ABCA9: variants seen among roughly 807,000 people sequenced by gnomAD.
ABCA9 encodes ATP binding cassette subfamily A member 9.
ABCA9 carries 183 observed loss-of-function variants against 205.3 expected under a neutral mutation model. That is an observed-to-expected ratio of 0.89 (90% CI 0.79 to 1.01). The LOEUF (loss-of-function observed/expected upper bound fraction) is 1.01. Among genes scored for constraint, ABCA9 ranks in the 50% least tolerant of loss-of-function variants. The pLI, the probability that ABCA9 is intolerant of heterozygous loss-of-function variation, is 0.00. For synonymous variants in ABCA9, 651 were observed against 683.3 expected (o/e 0.95, Z 0.74); for missense variants, 1,805 against 1,912.4 (o/e 0.94, Z 1.05).
intron 30 of ABCA9, 171 bp from the exon 31 acceptor site, chr17:68,989,289 CACACA>C: frequency 5.7e-6 from 3 of 521,826 alleles, no homozygotes; most frequent in Non-Finnish European, 6.9e-6. Flanking sequence ...CACACACACA[CACACA>C]CCCCTGAGCA....
intron 6 of ABCA9, among the ~76,000 whole-genome samples, chr17:69,040,035 T>G (rs572771677): frequency 1.1e-4 from 16 of 152,250 alleles, no homozygotes; most frequent in Non-Finnish European, 1.8e-4. Flanking sequence ...AGAACGGTGA[T>G]CATTAAAAAG....
the ABCA9 span, among the ~76,000 whole-genome samples, chr17:69,067,362 A>G: frequency 6.6e-6 from 1 of 152,116 alleles, no homozygotes; most frequent in Non-Finnish European, 1.5e-5. Context: ...CCTGGGCAAC[A>G]TGGTGAAACC....
intron 26 of ABCA9, 149 bp downstream of exon 26, chr17:68,995,746 T>A (rs1299911768): frequency 9.8e-7 from 1 of 1,015,520 alleles, no homozygotes; most frequent in East Asian, 2.4e-5. Context: ...ATGCCCCTTA[T>A]CCATGCGTGG....
At chr17:69,011,638 G>T (rs1480224529) in intron 23 of ABCA9, among the ~76,000 whole-genome samples, 1 of 152,116 alleles carries the variant, frequency 6.6e-6, no homozygotes, top group East Asian at 1.9e-4. Flanking sequence ...AAACTGAGTA[G>T]CTTTAGCACC....
chr17:69,066,711 T>C, the ABCA9 span, among the ~76,000 whole-genome samples: 1 of 152,116 alleles, frequency 6.6e-6, no homozygotes, highest in African/African-American at 2.4e-5. Context: ...TCCTCAGGGT[T>C]AAGATTTTTC....
At position 68,990,992 on chromosome 17, in the gene ABCA9, G is replaced by A. The variant is rs370908013; in HGVS notation, c.3717-35C>T. 20 of 1,581,516 alleles carry A rather than the reference G, an allele frequency of 1.3e-5. No individual in the cohort carries two copies. The South Asian group carries it at 1.5e-4, about 12-fold the overall frequency. ...AAACAGTGTGATAATGATAAACTTCGGGTTAAAAATCTTGTATCAAAATTA... is the reference window on the plus strand; with the variant it reads ...AAACAGTGTGATAATGATAAACTTCAGGTTAAAAATCTTGTATCAAAATTA... On this transcript the variant is annotated intron_variant, in intron 28 of 38. Transcript: ENST00000340001.
At position 68,987,742 on chromosome 17, in the gene ABCA9, TTTTG is replaced by T. The variant is rs72186562; in HGVS notation, c.4047+1281_4047+1284del. On this transcript the variant is annotated intron_variant, in intron 31 of 38. Transcript: ENST00000340001. The stretch of plus-strand genomic sequence containing the variant: ...TTGACATGACCTCATTTGCGTTTTT[TTTTG>T]TTTGTTTGTTTGTTTGTTTGTTTTT... 1.7e-3 allele frequency among the ~76,000 whole-genome samples: 225 copies of T among 135,848 alleles called. 3 individuals are homozygous for T. The highest frequency in any genetic ancestry group is 4.8e-3 in the African/African-American group (176 of 36,890). The allele number at this position is 135,848 out of a possible 152,430, so 89.1% of individuals were successfully genotyped here. A position where few individuals can be genotyped will look rare whatever the true frequency, so the allele number is the denominator to read the frequency against.
chr17:69,037,882 G>T (rs2071401836), intron 6 of ABCA9, among the ~76,000 whole-genome samples: 1 of 151,890 alleles, frequency 6.6e-6, no homozygotes, highest in East Asian at 1.9e-4. Context: ...ATGATAAAGG[G>T]GATATCACCA....
chr17:68,984,205 T>C (rs770046661), intron 34 of ABCA9, 30 bp from the exon 35 acceptor site: 183 of 1,609,292 alleles, frequency 1.1e-4, no homozygotes, highest in Middle Eastern at 9.9e-4. Context: ...AAACGTGAAC[T>C]CATGGGAATG....
intron 6 of ABCA9, 67 bp from the exon 7 acceptor site, chr17:69,035,868 A>T: frequency 6.6e-7 from 1 of 1,524,782 alleles, no homozygotes; most frequent in Non-Finnish European, 8.8e-7. Flanking sequence ...TCATTTATTC[A>T]GCAAATGATT....
At position 68,995,881 on chromosome 17, in the gene ABCA9, G is replaced by A. The variant is rs1289314583; in HGVS notation, c.3555+14C>T. 6.2e-7 allele frequency: 1 copy of A among 1,613,030 alleles called. No individual in the cohort carries two copies. The highest frequency in any genetic ancestry group is 8.5e-7 in the Non-Finnish European group (1 of 1,179,756). ...CACATTTCATGACCCTCAGACAGAA[G>A]TGGAACTACTTACCTCAGAAAAAAT... On this transcript the variant is annotated intron_variant, in intron 26 of 38. Transcript: ENST00000340001.
chr17:68,975,675 A>G lies in ABCA9; in HGVS notation c.*240T>C. On this transcript the variant is annotated 3_prime_UTR_variant, in exon 39 of 39. Coordinates refer to ENST00000340001, the MANE Select transcript of ABCA9 (RefSeq NM_080283.4). ...AATGCATTTTTAAACTTAACACAGT[A>G]GGAAACATGGGATTTGGTTGCTGGC... is the stretch of plus-strand genomic sequence containing the variant. 5.1e-6 allele frequency: 2 copies of G among 394,912 alleles called. No homozygotes were observed. The highest frequency in any genetic ancestry group is 6.1e-5 in the South Asian group (1 of 16,448). 24.5% of individuals were successfully genotyped at this position (394,912 alleles called of 1,614,324 possible).
chr17:68,989,953 A>C, intron 29 of ABCA9, 23 bp from the exon 30 acceptor site: 1 of 1,518,652 alleles, frequency 6.6e-7, no homozygotes, highest in South Asian at 1.2e-5. Flanking sequence ...GTAAATAACA[A>C]CGGGACTTTA....
chr17:69,063,657 C>T (rs2072309400), upstream of ABCA9, among the ~76,000 whole-genome samples: 1 of 152,032 alleles, frequency 6.6e-6, no homozygotes, highest in Non-Finnish European at 1.5e-5. Flanking sequence ...ACTGCAAGCT[C>T]CGCCTCCCGG....
intron 3 of ABCA9, 28 bp downstream of exon 3, chr17:69,049,255 A>C: frequency 4.0e-5 from 61 of 1,531,838 alleles, no homozygotes; most frequent in Non-Finnish European, 5.1e-5. Flanking sequence ...CAAATAAGGA[A>C]ATTACTATGA....
At position 69,002,634 on chromosome 17, in the gene ABCA9, C is replaced by T. The variant is rs375541329; in HGVS notation, c.3435+5125G>A. ...GAGTTCTGTAGATGTCTATTAGGTC[C>T]GCTTGGTGCAGGGCTGAGTTCAATT... On this transcript the variant is annotated intron_variant, in intron 25 of 38. Transcript: ENST00000340001. Among the ~76,000 whole-genome samples the T allele has an allele frequency of 8.2e-3, 1,239 of 151,880 alleles. 15 individuals are homozygous for T. Among genetic ancestry groups the T allele is most frequent in the African/African-American group, 0.026 (1,066 of 41,380 alleles).
chr17:69,026,953 A>G, intron 15 of ABCA9, 23 bp downstream of exon 15: 1 of 1,612,220 alleles, frequency 6.2e-7, no homozygotes, highest in Non-Finnish European at 8.5e-7. Flanking sequence ...TCATGAAGAT[A>G]CATAAGAGAA....
chr17:69,063,823 C>T (rs1027425730), upstream of ABCA9, among the ~76,000 whole-genome samples: 17 of 152,156 alleles, frequency 1.1e-4, no homozygotes, highest in African/African-American at 4.1e-4. Flanking sequence ...CCGCCCGCCT[C>T]GGCCTCCCAA....
At chr17:69,019,831 A>G (rs1408685478) in intron 19 of ABCA9, 2 of 152,584 alleles carry the variant, frequency 1.3e-5, no homozygotes, top group Admixed American at 1.3e-4. Context: ...TAACATGGAA[A>G]TTGTGCCTAA....
Sources: allele counts gnomAD v4.1 joint callset (sites outside exome capture counted in the v4.1 genomes callset), GRCh38; gene constraint gnomAD v4.1.1; transcripts MANE v1.5; gene names NCBI Gene and HGNC (gene_info 2026-07-23, HGNC 2026-07-21).